DGCR2: variants seen among roughly 807,000 people sequenced by gnomAD.
The protein encoded by DGCR2 is DiGeorge syndrome critical region gene 2.
A neutral mutation model predicts 51.6 loss-of-function variants in DGCR2; 24 were observed. The ratio of observed to expected loss-of-function variants is 0.47; its 90% CI spans 0.34 to 0.65. The LOEUF is 0.65. DGCR2 is among the 30% of genes least tolerant of loss of function. The probability of loss-of-function intolerance (pLI) is 0.01; values close to 1 mark genes in which losing one functional copy is unlikely to be tolerated. For synonymous variants in DGCR2, 340 were observed against 315.4 expected, an observed-to-expected ratio of 1.08 and a Z score of -0.82; for missense variants, 765 against 772.1, an observed-to-expected ratio of 0.99 and a Z score of 0.11.
At chr22:19,072,301 CAAG>C (rs534663248) in intron 2 of DGCR2, among the ~76,000 whole-genome samples, 135 of 152,152 alleles carry the variant, frequency 8.9e-4, no homozygotes, top group South Asian at 4.2e-3. Context: ...CTGACCAGGT[CAAG>C]AAGAAAGTCC....
At chr22:19,102,211 CTACAG>C (rs934341490) in intron 1 of DGCR2, among the ~76,000 whole-genome samples, 9 of 152,116 alleles carry the variant, frequency 5.9e-5, no homozygotes, top group African/African-American at 1.7e-4. Context: ...TAAGAAGTAC[CTACAG>C]TAGTCAATTT....
intron 3 of DGCR2, 96 bp from the exon 4 acceptor site, chr22:19,065,163 C>T: frequency 9.2e-7 from 1 of 1,087,916 alleles, no homozygotes. Context: ...CCTTGTAAAT[C>T]ACCCTAGAGA....
intron 1 of DGCR2, among the ~76,000 whole-genome samples, chr22:19,108,399 T>G (rs1035216368): frequency 6.7e-6 from 1 of 150,336 alleles, no homozygotes; most frequent in South Asian, 2.1e-4. Context: ...AGGGATCCAG[T>G]CTCTACAAAA....
intron 1 of DGCR2, among the ~76,000 whole-genome samples, chr22:19,096,290 TA>T (rs1485650385): frequency 1.3e-5 from 2 of 152,062 alleles, no homozygotes; most frequent in Admixed American, 6.6e-5. Flanking sequence ...TGTGGGAGCT[TA>T]AAAAAAGTTA....
intron 1 of DGCR2, among the ~76,000 whole-genome samples, chr22:19,103,163 A>G (rs951788384): frequency 6.6e-6 from 1 of 152,122 alleles, no homozygotes; most frequent in Non-Finnish European, 1.5e-5. Context: ...ATATTGTATG[A>G]TTCCATTAGT....
At chr22:19,086,977 CA>C (rs1253027379) in intron 2 of DGCR2, among the ~76,000 whole-genome samples, 2 of 152,200 alleles carry the variant, frequency 1.3e-5, no homozygotes, top group Non-Finnish European at 2.9e-5. Context: ...AAAGCAAAGC[CA>C]AATGGCACTT....
chr22:19,038,510 T>C lies in DGCR2; in HGVS notation c.*355A>G, dbSNP rs1034615. 1 of 287,706 alleles carries C rather than the reference T, an allele frequency of 3.5e-6. No individual in the cohort carries two copies. Among genetic ancestry groups the C allele is most frequent in the Non-Finnish European group, 6.6e-6 (1 of 152,080 alleles). The allele number at this position is 287,706 out of a possible 1,614,324, so 17.8% of individuals were successfully genotyped here. The stretch of plus-strand genomic sequence containing the variant: ...TCTCTGGACAGCACACTGCACCAAG[T>C]AAGCCCACCAAAAACGCATCAGGTG... On this transcript the variant is annotated 3_prime_UTR_variant, in exon 10 of 10. Transcript: ENST00000263196.
chr22:19,078,752 T>C (rs1199949831), intron 2 of DGCR2, among the ~76,000 whole-genome samples: 9 of 152,254 alleles, frequency 5.9e-5, no homozygotes, highest in African/African-American at 2.2e-4. Flanking sequence ...TAAACTTGGT[T>C]AACTTGGTTT....
At chr22:19,103,441 T>G (rs2083227047) in intron 1 of DGCR2, among the ~76,000 whole-genome samples, 1 of 107,410 alleles carries the variant, frequency 9.3e-6, no homozygotes, top group African/African-American at 4.6e-5. Context: ...TTTTTTTTTT[T>G]TTTTTTTGAG....
At chr22:19,118,399 C>A (rs924701667) in intron 1 of DGCR2, among the ~76,000 whole-genome samples, 33 of 108,750 alleles carry the variant, frequency 3.0e-4, no homozygotes, top group Admixed American at 6.4e-4. Flanking sequence ...AAAAAAAAAA[C>A]AACTCTGGAC....
At chr22:19,071,319 T>C (rs557961299) in intron 2 of DGCR2, among the ~76,000 whole-genome samples, 54 of 152,226 alleles carry the variant, frequency 3.5e-4, no homozygotes, top group Non-Finnish European at 7.1e-4. Flanking sequence ...GGAGAATACC[T>C]AGAATACCAC....
intron 1 of DGCR2, among the ~76,000 whole-genome samples, chr22:19,098,556 C>T (rs2083167152): frequency 6.6e-6 from 1 of 152,016 alleles, no homozygotes; most frequent in African/African-American, 2.4e-5. Context: ...ACCCTGTTCT[C>T]GAGTATACAT....
intron 5 of DGCR2, 38 bp downstream of exon 5, chr22:19,063,164 C>A (rs1473129745): frequency 5.0e-6 from 8 of 1,599,470 alleles, no homozygotes; most frequent in East Asian, 2.2e-5. Context: ...GGTGACTCTG[C>A]CCAGCTTCAA....
At chr22:19,108,680 G>A (rs2146045857) in intron 1 of DGCR2, among the ~76,000 whole-genome samples, 1 of 147,882 alleles carries the variant, frequency 6.8e-6, no homozygotes, top group Non-Finnish European at 1.5e-5. Flanking sequence ...AATGGATTCT[G>A]ACAAAGGTAC....
intron 2 of DGCR2, among the ~76,000 whole-genome samples, chr22:19,084,803 G>A (rs550929596): frequency 0.023 from 2,691 of 117,602 alleles, 257 homozygotes; most frequent in African/African-American, 0.11. Flanking sequence ...CGTCCGGGAA[G>A]GAGGTGGGGG....
rs186116115 is a variant in DGCR2, at chr22:19,122,084, C to A, written c.79+44G>T. On this transcript the variant is annotated intron_variant, in intron 1 of 9. Coordinates refer to ENST00000263196, the MANE Select transcript of DGCR2 (RefSeq NM_005137.3). ...GGAGGTCCCGGGGCGACCCCGGCCC[C>A]GCTCGCCGCCCAGCCCCCACACCGC... 13,742 of 1,410,262 alleles carry A rather than the reference C, an allele frequency of 9.7e-3. 549 individuals are homozygous for A. Among genetic ancestry groups the A allele is most frequent in the East Asian group, 0.079 (2,527 of 31,988 alleles). 87.4% of individuals were successfully genotyped at this position (1,410,262 alleles called of 1,614,324 possible).
At position 19,041,618 on chromosome 22, in the gene DGCR2, G is replaced by A. The variant is rs2082432667; in HGVS notation, c.1159+189C>T. ...GCCTCCGAGTTCTGCCCACCCTGTG[G>A]CTCAATGGGAATAAGGAGGGTCTTG... On this transcript the variant is annotated intron_variant, in intron 8 of 9. Transcript: ENST00000263196. 4.3e-6 allele frequency: 3 copies of A among 692,026 alleles called. No individual in the cohort carries two copies. In the East Asian group the frequency reaches 8.1e-5, roughly 19 times the overall value. 42.9% of individuals were successfully genotyped at this position (692,026 alleles called of 1,614,324 possible).
At chr22:19,067,195 C>T (rs916360185) in intron 3 of DGCR2, among the ~76,000 whole-genome samples, 11 of 152,118 alleles carry the variant, frequency 7.2e-5, no homozygotes, top group African/African-American at 2.7e-4. Flanking sequence ...AGGCCCAAGG[C>T]AGGGCAGCAG....
chr22:19,056,296 C>A, intron 6 of DGCR2: 2 of 186,614 alleles, frequency 1.1e-5, no homozygotes, highest in Non-Finnish European at 2.2e-5. Context: ...GCCTGGGCAA[C>A]AGAGCGAGAC....
Sources: allele counts gnomAD v4.1 joint callset (sites outside exome capture counted in the v4.1 genomes callset), GRCh38; gene constraint gnomAD v4.1.1; transcripts MANE v1.5; gene names NCBI Gene and HGNC (gene_info 2026-07-23, HGNC 2026-07-21).